Variants in MSI2 observed in about 807,000 individuals in gnomAD.
The protein encoded by MSI2 is musashi RNA binding protein 2.
In MSI2, 17 loss-of-function variants were observed where a neutral mutation model predicts 45.6. That is an observed-to-expected ratio of 0.37 (90% CI 0.26 to 0.56). MSI2 has a LOEUF of 0.56. Among genes scored for constraint, MSI2 ranks in the 20% least tolerant of loss-of-function variants. The pLI is 0.77. For missense variants in MSI2, 293 were observed against 444.2 expected (o/e 0.66, Z 3.06); for synonymous variants, 156 against 158.2 (o/e 0.99, Z 0.11).
rs2144278150 is a variant in MSI2, at chr17:57,566,098, T to C, written c.455-30770T>C. Reference sequence around the variant, plus strand: ...AGATAGGGTTCGAGGTAGAGCGGCCTTTTGGGTTTTCTCCTCATTTGGAGA... The same window carrying C: ...AGATAGGGTTCGAGGTAGAGCGGCCCTTTGGGTTTTCTCCTCATTTGGAGA... On this transcript the variant is annotated intron_variant, in intron 7 of 13. Transcript: ENST00000284073. The C allele has an allele frequency of 2.0e-5, 3 of 152,246 alleles. No individual in the cohort carries two copies. In the South Asian group the frequency reaches 6.2e-4, roughly 32 times the overall value. The allele number at this position is 152,246 out of a possible 1,614,324, so 9.4% of individuals were successfully genotyped here. A position where few individuals can be genotyped will look rare whatever the true frequency, so the allele number is the denominator to read the frequency against.
upstream of MSI2, among the ~76,000 whole-genome samples, chr17:57,256,343 G>C (rs1282262810): frequency 6.6e-6 from 1 of 151,546 alleles, no homozygotes; most frequent in Admixed American, 6.6e-5. Flanking sequence ...GGCCGAGTGT[G>C]CGCGCGCGGG....
At chr17:57,335,811 C>T (rs1914653507) in intron 5 of MSI2, among the ~76,000 whole-genome samples, 1 of 152,144 alleles carries the variant, frequency 6.6e-6, no homozygotes, top group Non-Finnish European at 1.5e-5. Context: ...AGGTTGGGAG[C>T]ACAGTGATGG....
At chr17:57,283,289 C>T (rs1011025992) in intron 5 of MSI2, among the ~76,000 whole-genome samples, 4 of 152,078 alleles carry the variant, frequency 2.6e-5, no homozygotes, top group African/African-American at 7.2e-5. Context: ...AAGCAGAGGC[C>T]GCACAGGGTC....
intron 7 of MSI2, among the ~76,000 whole-genome samples, chr17:57,569,949 A>G (rs1389805543): frequency 6.6e-6 from 1 of 152,056 alleles, no homozygotes; most frequent in East Asian, 1.9e-4. Flanking sequence ...AAGGGTGTGA[A>G]ATCTGCCTTG....
intron 5 of MSI2, among the ~76,000 whole-genome samples, chr17:57,381,893 T>A (rs1030249871): frequency 6.6e-6 from 1 of 152,240 alleles, no homozygotes; most frequent in African/African-American, 2.4e-5. Context: ...CCACGCAATT[T>A]GATTTTTAAG....
intron 5 of MSI2, among the ~76,000 whole-genome samples, chr17:57,358,801 G>A (rs1916623576): frequency 6.6e-6 from 1 of 152,202 alleles, no homozygotes; most frequent in Non-Finnish European, 1.5e-5. Context: ...TGTTGTACAT[G>A]TTAAAATGTA....
chr17:57,535,692 C>A (rs2086906472), intron 7 of MSI2, among the ~76,000 whole-genome samples: 1 of 152,158 alleles, frequency 6.6e-6, no homozygotes, highest in African/African-American at 2.4e-5. Flanking sequence ...AGGGTCCTTT[C>A]CCAGAGTGGC....
intron 5 of MSI2, among the ~76,000 whole-genome samples, chr17:57,277,073 T>C (rs1908929368): frequency 7.1e-6 from 1 of 141,358 alleles, no homozygotes; most frequent in African/African-American, 2.7e-5. Flanking sequence ...TTTTTTTTTT[T>C]GAGACAAAAT....
chr17:57,386,340 T>C (rs8073889), intron 5 of MSI2, among the ~76,000 whole-genome samples: 1 of 151,862 alleles, frequency 6.6e-6, no homozygotes, highest in East Asian at 1.9e-4. Flanking sequence ...TTCTTAGTGC[T>C]TGTGCCCAGT....
intron 6 of MSI2, among the ~76,000 whole-genome samples, chr17:57,476,807 T>G (rs1045629247): frequency 6.6e-6 from 1 of 152,192 alleles, no homozygotes; most frequent in African/African-American, 2.4e-5. Context: ...AGAGGCTCCG[T>G]CATTTGTTGA....
intron 6 of MSI2, among the ~76,000 whole-genome samples, chr17:57,523,079 A>C: frequency 7.1e-6 from 1 of 141,360 alleles, no homozygotes; most frequent in Non-Finnish European, 1.5e-5. Context: ...GTGGAGTCTC[A>C]CTCTGTCATC....
At position 57,542,052 on chromosome 17, in the gene MSI2, G is replaced by A. The variant is rs142035871; in HGVS notation, c.454+12328G>A. On this transcript the variant is annotated intron_variant, in intron 7 of 13. Transcript: ENST00000284073. ...ATTCATGACTCTGCTTTCCACTGCC[G>A]CTGGAGGTGACATCATCTATTCGGG... is the stretch of plus-strand genomic sequence containing the variant. Among the ~76,000 whole-genome samples the A allele has an allele frequency of 5.4e-3, 820 of 152,176 alleles. 3 individuals carry two copies. Among genetic ancestry groups the A allele is most frequent in the Middle Eastern group, 0.02 (6 of 294 alleles).
intron 10 of MSI2, chr17:57,629,819 C>A (rs1909178717): frequency 6.6e-6 from 1 of 152,336 alleles, no homozygotes; most frequent in African/African-American, 2.4e-5. Context: ...CCTCCAGGTG[C>A]AGCACTGATC....
chr17:57,392,445 A>G (rs1386688936), intron 5 of MSI2, among the ~76,000 whole-genome samples: 1 of 152,148 alleles, frequency 6.6e-6, no homozygotes, highest in Non-Finnish European at 1.5e-5. Flanking sequence ...TTTTAATCAG[A>G]GGTAACGTTG....
chr17:57,285,925 T>C (rs146655364), intron 5 of MSI2: 2 of 1,534,234 alleles, frequency 1.3e-6, no homozygotes, highest in Non-Finnish European at 8.7e-7. Flanking sequence ...AGAATACGTC[T>C]TATCACGTGA....
At chr17:57,465,115 A>G (rs2085305563) in intron 6 of MSI2, among the ~76,000 whole-genome samples, 1 of 152,114 alleles carries the variant, frequency 6.6e-6, no homozygotes. Context: ...TATCCTTTTC[A>G]TTACTGTTGT....
chr17:57,587,278 C>T (rs1044308543), intron 7 of MSI2, among the ~76,000 whole-genome samples: 1 of 152,026 alleles, frequency 6.6e-6, no homozygotes, highest in Non-Finnish European at 1.5e-5. Flanking sequence ...CCTGATGAAA[C>T]ACTTGCTGGT....
chr17:57,700,205 A>C, the MSI2 span, among the ~76,000 whole-genome samples: 7 of 152,224 alleles, frequency 4.6e-5, no homozygotes, highest in African/African-American at 1.7e-4. Flanking sequence ...GTGGACTCAC[A>C]GCCTATTCAA....
intron 5 of MSI2, among the ~76,000 whole-genome samples, chr17:57,383,323 T>C (rs2083629442): frequency 1.3e-5 from 2 of 152,252 alleles, no homozygotes; most frequent in African/African-American, 4.8e-5. Flanking sequence ...TTAAGGTGGC[T>C]GTTTGGAACT....
Sources: allele counts gnomAD v4.1 joint callset (sites outside exome capture counted in the v4.1 genomes callset), GRCh38; gene constraint gnomAD v4.1.1; transcripts MANE v1.5; gene names NCBI Gene and HGNC (gene_info 2026-07-23, HGNC 2026-07-21).